FAM162A: variants seen among roughly 807,000 people sequenced by gnomAD.
FAM162A encodes the protein protein FAM162A.
In FAM162A, 23 loss-of-function variants were observed where a neutral mutation model predicts 21.8. The ratio of observed to expected loss-of-function variants is 1.05; its 90% CI spans 0.76 to 1.49. The LOEUF (loss-of-function observed/expected upper bound fraction) is 1.49. FAM162A is among the 40% of genes most tolerant of loss of function. FAM162A has a pLI of 0.00. For synonymous variants in FAM162A, 53 were observed against 61.3 expected, an observed-to-expected ratio of 0.86 and a Z score of 0.64; for missense variants, 165 against 186.4, an observed-to-expected ratio of 0.89 and a Z score of 0.67.
intron 1 of FAM162A, 84 bp from the exon 2 acceptor site, chr3:122,402,676 C>T (rs1410703545): frequency 6.3e-6 from 8 of 1,260,596 alleles, no homozygotes; most frequent in African/African-American, 6.1e-5. Context: ...ATAAATGAAA[C>T]GTAACTTGCG....
chr3:122,402,948 A>T (rs2075659715), intron 2 of FAM162A, 66 bp downstream of exon 2: 1 of 1,500,720 alleles, frequency 6.7e-7, no homozygotes. Context: ...CTTGGAATCA[A>T]AAGAACCCAA....
chr3:122,404,296 T>C lies in FAM162A; in HGVS notation c.196T>C (p.Trp66Arg). 7 of 1,609,574 alleles carry C rather than the reference T, an allele frequency of 4.3e-6. No homozygotes were observed. The highest frequency in any genetic ancestry group is 5.9e-6 in the Non-Finnish European group (7 of 1,178,012). ...AGTGCCTTTACACAAACCTACGGAT[T>C]GGCAGAAAAAGATCCTCATATGGTC... Reference protein sequence around the residue: ...NRVPLHKPTDWQKKILIWSGR... With the variant: ...NRVPLHKPTDRQKKILIWSGR... Residue 66 changes from tryptophan (W) to arginine (R), a missense_variant, in exon 3 of 5, where the codon TGG (tryptophan) becomes CGG (arginine). Transcript: ENST00000477892.
rs1167229813 is a variant in FAM162A at position 122,399,101 on chromosome 3, AGGCCCCAAT to A, written c.35-3657_35-3649del. 2.0e-5 allele frequency among the ~76,000 whole-genome samples: 3 copies of A among 152,126 alleles called. No individual in the cohort carries two copies. In the East Asian group the frequency reaches 5.8e-4, roughly 29 times the overall value. On this transcript the variant is annotated intron_variant, in intron 1 of 4. Transcript: ENST00000477892. ...TCCCTACCACCCACAACCCTCAGGT[AGGCCCCAAT>A]GTTTGTTGTTCCCTTCTGTTTGTCC...
intron 1 of FAM162A, 32 bp downstream of exon 1, chr3:122,384,331 G>C: frequency 1.3e-6 from 2 of 1,565,380 alleles, no homozygotes; most frequent in Non-Finnish European, 1.7e-6. Context: ...GGGAGGTAGG[G>C]GAGCTGGCCC....
intron 1 of FAM162A, among the ~76,000 whole-genome samples, chr3:122,395,313 C>G (rs1193373338): frequency 6.6e-6 from 1 of 152,142 alleles, no homozygotes; most frequent in Non-Finnish European, 1.5e-5. Context: ...AGAAGTAAAA[C>G]TATATTCCCA....
At chr3:122,407,419 T>C (rs2075681925) in intron 4 of FAM162A, 30 bp downstream of exon 4, 3 of 1,537,296 alleles carry the variant, frequency 2.0e-6, no homozygotes, top group Non-Finnish European at 2.7e-6. Flanking sequence ...CTATCCAGTA[T>C]GTATGTTCTC....
In FAM162A at chr3:122,411,527, T is replaced by C. The variant is rs965531035; in HGVS notation, c.*1696T>C. ...ATCTTGGAGATTTACATTATAAATG[T>C]AGTAACATTTATGAGCTTAAATTTA... On this transcript the variant is annotated 3_prime_UTR_variant, in exon 5 of 5. Transcript: ENST00000477892. 4 of 152,118 alleles carry C rather than the reference T, an allele frequency of 2.6e-5. No homozygotes were observed. The highest frequency in any genetic ancestry group is 1.3e-4 in the Admixed American group (2 of 15,268). 9.4% of individuals were successfully genotyped at this position (152,118 alleles called of 1,614,324 possible). A position where few individuals can be genotyped will look rare whatever the true frequency, so the allele number is the denominator to read the frequency against.
rs538103991 is a variant in FAM162A, at chr3:122,384,200, A to G, written c.-66A>G. ...CCTTCCCACTCCAACGCTGGGTGAC[A>G]TTGAGCTCACCAGCGCCACCGTCCC... On this transcript the variant is annotated 5_prime_UTR_variant, in exon 1 of 5. Coordinates refer to ENST00000477892, the MANE Select transcript of FAM162A (RefSeq NM_014367.4). 3.0e-5 allele frequency: 46 copies of G among 1,545,362 alleles called. No individual in the cohort carries two copies. Among genetic ancestry groups the G allele is most frequent in the Middle Eastern group, 2.2e-4 (1 of 4,542 alleles).
At chr3:122,408,466 CTCAG>C (rs2075687037) in intron 4 of FAM162A, among the ~76,000 whole-genome samples, 1 of 152,166 alleles carries the variant, frequency 6.6e-6, no homozygotes, top group Non-Finnish European at 1.5e-5. Context: ...CTTTCTTATC[CTCAG>C]TAATTCCAGA....
chr3:122,412,117 A>G lies in FAM162A; in HGVS notation c.*2286A>G, dbSNP rs573606041. On this transcript the variant is annotated 3_prime_UTR_variant, in exon 5 of 5. Coordinates refer to ENST00000477892, the MANE Select transcript of FAM162A (RefSeq NM_014367.4). Reference sequence around the variant, plus strand: ...AGTCCTCAGATTTATCAAGCAAACGAAACTGAATGAGCACTACTATAAGGT... The same window carrying G: ...AGTCCTCAGATTTATCAAGCAAACGGAACTGAATGAGCACTACTATAAGGT... 1 of 152,338 alleles carries G rather than the reference A, an allele frequency of 6.6e-6. No homozygotes were observed. The highest frequency in any genetic ancestry group is 2.1e-4 in the South Asian group (1 of 4,832). 9.4% of individuals were successfully genotyped at this position (152,338 alleles called of 1,614,324 possible). A position where few individuals can be genotyped will look rare whatever the true frequency, so the allele number is the denominator to read the frequency against.
rs73188394 is a variant in FAM162A, at chr3:122,410,356, A to G, written c.*525A>G. On this transcript the variant is annotated 3_prime_UTR_variant, in exon 5 of 5. Coordinates refer to ENST00000477892, the MANE Select transcript of FAM162A (RefSeq NM_014367.4). Reference sequence around the variant, plus strand: ...GAGGCTTTTAGGAGAATAGTTTTTTAAACATTCTGACAAGGTCCAGCCAGG... The same window carrying G: ...GAGGCTTTTAGGAGAATAGTTTTTTGAACATTCTGACAAGGTCCAGCCAGG... 21,593 of 161,858 alleles carry G rather than the reference A, an allele frequency of 0.13. 1,551 individuals are homozygous for G. Among genetic ancestry groups the G allele is most frequent in the Middle Eastern group, 0.27 (84 of 310 alleles). 10.0% of individuals were successfully genotyped at this position (161,858 alleles called of 1,614,324 possible).
At chr3:122,389,017 C>G (rs1043394984) in intron 1 of FAM162A, among the ~76,000 whole-genome samples, 5 of 151,348 alleles carry the variant, frequency 3.3e-5, no homozygotes, top group Non-Finnish European at 7.4e-5. Context: ...GCACTGCACT[C>G]CAGCCTGGGC....
At chr3:122,397,878 AAAAC>A (rs1303749026) in intron 1 of FAM162A, among the ~76,000 whole-genome samples, 2 of 152,238 alleles carry the variant, frequency 1.3e-5, no homozygotes, top group East Asian at 1.9e-4. Flanking sequence ...GGAGTCTCTA[AAAAC>A]ATTTCTTTAA....
intron 1 of FAM162A, among the ~76,000 whole-genome samples, chr3:122,396,482 A>G (rs1346396630): frequency 6.6e-6 from 1 of 152,210 alleles, no homozygotes; most frequent in Non-Finnish European, 1.5e-5. Context: ...AGTTATAATC[A>G]AAAAGAATAA....
chr3:122,407,476 T>C (rs937767686), intron 4 of FAM162A, 87 bp downstream of exon 4: 6 of 1,027,136 alleles, frequency 5.8e-6, no homozygotes, highest in Non-Finnish European at 8.9e-6. Context: ...GTATTTACCC[T>C]CTGAGAAGAG....
chr3:122,397,363 G>A (rs1255790450), intron 1 of FAM162A, among the ~76,000 whole-genome samples: 1 of 152,136 alleles, frequency 6.6e-6, no homozygotes, highest in Non-Finnish European at 1.5e-5. Context: ...TGGGAGTTTG[G>A]AACTTCCAAG....
At chr3:122,389,069 C>T (rs1419559244) in intron 1 of FAM162A, among the ~76,000 whole-genome samples, 1 of 151,544 alleles carries the variant, frequency 6.6e-6, no homozygotes, top group Non-Finnish European at 1.5e-5. Context: ...AAAATGTATT[C>T]ATATGACTAG....
chr3:122,403,064 G>A (rs760670906), intron 2 of FAM162A, among the ~76,000 whole-genome samples, 182 bp downstream of exon 2: 22 of 152,174 alleles, frequency 1.4e-4, no homozygotes, highest in Non-Finnish European at 2.6e-4. Context: ...GGAGGCCTGA[G>A]GGAGGCCCAT....
At chr3:122,401,330 A>G (rs2075652678) in intron 1 of FAM162A, 1 of 953,632 alleles carries the variant, frequency 1.0e-6, no homozygotes, top group Non-Finnish European at 1.3e-6. Flanking sequence ...ATGTCGATTT[A>G]TTTTGCCAAC....
Sources: allele counts gnomAD v4.1 joint callset (sites outside exome capture counted in the v4.1 genomes callset), GRCh38; gene constraint gnomAD v4.1.1; transcripts MANE v1.5; gene names NCBI Gene and HGNC (gene_info 2026-07-23, HGNC 2026-07-21).